MACROD2: variants seen among roughly 807,000 people sequenced by gnomAD.
MACROD2 encodes ADP-ribose glycohydrolase MACROD2.
In MACROD2, 36 loss-of-function variants were observed where a neutral mutation model predicts 70.4. The observed-to-expected ratio is 0.51, with a 90% CI of 0.39 to 0.68. The LOEUF is 0.68. MACROD2 is among the 30% of genes least tolerant of loss of function. The pLI is 0.00. For synonymous variants in MACROD2, 172 were observed against 178.8 expected (o/e 0.96, Z 0.30); for missense variants, 496 against 538.4 (o/e 0.92, Z 0.78).
At chr20:15,253,014 C>T (rs1418519636) in intron 6 of MACROD2, among the ~76,000 whole-genome samples, 1 of 152,158 alleles carries the variant, frequency 6.6e-6, no homozygotes, top group African/African-American at 2.4e-5. Flanking sequence ...GAACCGTATA[C>T]ATTTTGGTGC....
chr20:14,253,267 T>C (rs2082026457), intron 3 of MACROD2, among the ~76,000 whole-genome samples: 1 of 152,042 alleles, frequency 6.6e-6, no homozygotes, highest in African/African-American at 2.4e-5. Context: ...GTAGTTTTGG[T>C]CTGTTGTTAG....
At chr20:14,649,799 AG>A (rs1203357383) in intron 4 of MACROD2, among the ~76,000 whole-genome samples, 4 of 152,088 alleles carry the variant, frequency 2.6e-5, no homozygotes, top group Non-Finnish European at 5.9e-5. Context: ...GGCTAATACC[AG>A]GGCCCTCCCT....
rs75783608 is a variant in MACROD2, at chr20:15,505,502, C to G, written c.645+5655C>G. On this transcript the variant is annotated intron_variant, in intron 8 of 17. Coordinates refer to ENST00000684519, the MANE Select transcript of MACROD2 (RefSeq NM_001351661.2). The stretch of plus-strand genomic sequence containing the variant: ...AGGCTCTAGGTAAAGCTGTGGCCAC[C>G]TGCAGCTATCCAAAGGGGAGCCCCT... 2.6e-5 allele frequency among the ~76,000 whole-genome samples: 4 copies of G among 152,198 alleles called. No homozygotes were observed. The East Asian group carries it at 7.7e-4, about 29-fold the overall frequency.
intron 4 of MACROD2, among the ~76,000 whole-genome samples, chr20:14,524,612 G>A (rs1040917392): frequency 7.2e-5 from 11 of 152,136 alleles, no homozygotes; most frequent in Non-Finnish European, 1.2e-4. Context: ...TACCACTTAC[G>A]TATACATCAC....
At chr20:16,000,682 C>T (rs2066697650) in intron 15 of MACROD2, among the ~76,000 whole-genome samples, 1 of 152,172 alleles carries the variant, frequency 6.6e-6, no homozygotes, top group South Asian at 2.1e-4. Flanking sequence ...TCTTTGCCTT[C>T]TCTTAGTATA....
At chr20:15,722,735 A>G (rs2050804148) in intron 8 of MACROD2, among the ~76,000 whole-genome samples, 2 of 152,150 alleles carry the variant, frequency 1.3e-5, no homozygotes, top group South Asian at 4.1e-4. Context: ...TAATTTTAAT[A>G]AAATTGACAT....
At position 14,261,881 on chromosome 20, in the gene MACROD2, A is replaced by AT. The variant is rs11478783; in HGVS notation, c.271+176163dup. On this transcript the variant is annotated intron_variant, in intron 3 of 17. Coordinates refer to ENST00000684519, the MANE Select transcript of MACROD2 (RefSeq NM_001351661.2). ...TTTGTGGGAGTCTTGGAGAAACGTG[A>AT]TTTTTTTTTTCCTTTTGATTTTGTG... Among the ~76,000 whole-genome samples, 716 of 151,096 alleles carry AT rather than the reference A, an allele frequency of 4.7e-3. 10 individuals carry two copies. Among genetic ancestry groups the AT allele is most frequent in the African/African-American group, 0.017 (678 of 41,066 alleles).
chr20:15,460,064 A>G (rs765874493), intron 7 of MACROD2, among the ~76,000 whole-genome samples: 18 of 152,088 alleles, frequency 1.2e-4, no homozygotes, highest in Non-Finnish European at 2.4e-4. Flanking sequence ...CCCTAGAGTG[A>G]TGTTTTGGGT....
intron 3 of MACROD2, among the ~76,000 whole-genome samples, chr20:14,490,357 T>C (rs1175853333): frequency 6.6e-6 from 1 of 152,228 alleles, no homozygotes; most frequent in Non-Finnish European, 1.5e-5. Context: ...TTGTTTTCAC[T>C]TTGTAAACAG....
At chr20:16,024,665 C>A (rs2067053244) in intron 15 of MACROD2, among the ~76,000 whole-genome samples, 1 of 152,092 alleles carries the variant, frequency 6.6e-6, no homozygotes. Flanking sequence ...TTGAAGTCAG[C>A]CAAATAGCAA....
intron 2 of MACROD2, among the ~76,000 whole-genome samples, chr20:14,015,959 C>A (rs1487883468): frequency 6.6e-6 from 1 of 152,048 alleles, no homozygotes; most frequent in Non-Finnish European, 1.5e-5. Context: ...CTTTTTAAGT[C>A]CCTGTTTTCA....
chr20:15,576,992 C>CTTT (rs1251496950), intron 8 of MACROD2, among the ~76,000 whole-genome samples: 1 of 152,120 alleles, frequency 6.6e-6, no homozygotes. Flanking sequence ...TGAAGGGAAA[C>CTTT]ACTTCATACA....
At chr20:14,485,802 T>C (rs988658625) in intron 3 of MACROD2, among the ~76,000 whole-genome samples, 2 of 151,364 alleles carry the variant, frequency 1.3e-5, no homozygotes, top group African/African-American at 4.8e-5. Context: ...CTTTAACATG[T>C]TCAAATGAGT....
chr20:15,071,497 AATT>A (rs2075619148), intron 5 of MACROD2, among the ~76,000 whole-genome samples: 2 of 152,168 alleles, frequency 1.3e-5, no homozygotes, highest in African/African-American at 4.8e-5. Flanking sequence ...GAGAGGAGAA[AATT>A]TTGTAATGCT....
chr20:15,503,091 A>G (rs573458071), intron 8 of MACROD2, among the ~76,000 whole-genome samples: 34 of 152,324 alleles, frequency 2.2e-4, no homozygotes, highest in African/African-American at 7.7e-4. Flanking sequence ...CTGAATATTG[A>G]CAAAAATTAG....
intron 3 of MACROD2, among the ~76,000 whole-genome samples, chr20:14,123,961 T>G (rs528204744): frequency 2.3e-4 from 35 of 152,284 alleles, no homozygotes; most frequent in Non-Finnish European, 4.4e-4. Context: ...ATTTTAGTTC[T>G]TTCTTTCTTC....
At chr20:15,234,220 G>A (rs1305133278) in intron 6 of MACROD2, among the ~76,000 whole-genome samples, 1 of 146,098 alleles carries the variant, frequency 6.8e-6, no homozygotes, top group African/African-American at 2.5e-5. Flanking sequence ...TTTTAGTAGA[G>A]ACGGGGTTTC....
At chr20:15,498,009 G>A (rs1053693963) in intron 7 of MACROD2, among the ~76,000 whole-genome samples, 1 of 152,150 alleles carries the variant, frequency 6.6e-6, no homozygotes, top group African/African-American at 2.4e-5. Flanking sequence ...ACATTTTGGT[G>A]CATTCATTTA....
chr20:15,666,341 A>G (rs2049897363), intron 8 of MACROD2, among the ~76,000 whole-genome samples: 1 of 152,308 alleles, frequency 6.6e-6, no homozygotes, highest in African/African-American at 2.4e-5. Context: ...CTTCTATTCA[A>G]TGTGATCCAA....
Sources: allele counts gnomAD v4.1 joint callset (sites outside exome capture counted in the v4.1 genomes callset), GRCh38; gene constraint gnomAD v4.1.1; transcripts MANE v1.5; gene names NCBI Gene and HGNC (gene_info 2026-07-23, HGNC 2026-07-21).